Variants in TRIM27 observed in about 807,000 individuals in gnomAD.
The protein encoded by TRIM27 is zinc finger protein RFP.
Under a neutral mutation model 57.6 loss-of-function variants are expected in TRIM27, and 12 were observed. That is an observed-to-expected ratio of 0.21 (90% confidence interval 0.13 to 0.34). TRIM27 has a LOEUF of 0.34. Among genes scored for constraint, TRIM27 ranks in the 10% least tolerant of loss-of-function variants. The probability of loss-of-function intolerance (pLI) is 1.00; values close to 1 mark genes in which losing one functional copy is unlikely to be tolerated. For synonymous variants in TRIM27, 266 were observed against 259.0 expected (o/e 1.03, Z -0.26); for missense variants, 403 against 656.8 (o/e 0.61, Z 4.22).
At chr6:28,918,602 A>G (rs1773793181) in intron 3 of TRIM27, among the ~76,000 whole-genome samples, 1 of 151,846 alleles carries the variant, frequency 6.6e-6, no homozygotes, top group African/African-American at 2.4e-5. Context: ...AACTGGCCTG[A>G]CGCTGTGGCT....
At position 28,921,962 on chromosome 6, in the gene TRIM27, T is replaced by C. The variant is rs1401460850; in HGVS notation, c.446A>G (p.His149Arg). Residue 149 changes from histidine (H) to arginine (R), a missense_variant, in exon 2 of 8, where the codon CAT becomes CGT. His to Arg is a conservative substitution (Grantham distance 29, BLOSUM62 0). Transcript: ENST00000377199. ...CTTTAAATCTTTCACTCTTTTTAAA[T>C]GGTCGAGCTGGTTCTGGATTTGCTC... ...FKEQIQNQLD[H>R]LKRVKDLKKR... 1 of 1,613,094 alleles carries C rather than the reference T, an allele frequency of 6.2e-7. No individual in the cohort carries two copies. The highest frequency in any genetic ancestry group is 8.5e-7 in the Non-Finnish European group (1 of 1,180,028).
At chr6:28,914,238 G>C (rs9368579) in intron 3 of TRIM27, among the ~76,000 whole-genome samples, 7 of 150,546 alleles carry the variant, frequency 4.6e-5, no homozygotes, top group Non-Finnish European at 7.4e-5. Flanking sequence ...GGGTTCAAGA[G>C]ATTCTCCTGC....
intron 4 of TRIM27, among the ~76,000 whole-genome samples, chr6:28,911,102 C>T (rs755460749): frequency 6.6e-6 from 1 of 152,170 alleles, no homozygotes; most frequent in Non-Finnish European, 1.5e-5. Context: ...AGGCCCATCC[C>T]ACTTGCCTCG....
In TRIM27 at chr6:28,915,999, C is replaced by T. The variant is rs964092610; in HGVS notation, c.747+4013G>A. Among the ~76,000 whole-genome samples, 6 of 152,186 alleles carry T rather than the reference C, an allele frequency of 3.9e-5. No homozygotes were observed. The South Asian group carries it at 1.2e-3, about 32-fold the overall frequency. ...TGGCACGATCTCGGCTCACTACAAC[C>T]TCTGCCTCCCAGGTTCAAGTGATTG... On this transcript the variant is annotated intron_variant, in intron 3 of 7. Coordinates refer to ENST00000377199, the MANE Select transcript of TRIM27 (RefSeq NM_006510.5).
chr6:28,911,714 A>G lies in TRIM27; in HGVS notation c.752T>C (p.Ile251Thr), dbSNP rs373104443. The G allele has an allele frequency of 1.7e-5, 27 of 1,612,100 alleles. No homozygotes were observed. The Admixed American group carries it at 1.8e-4, about 11-fold the overall frequency. ...QQPTRELLQD[I>T]GDTLSRAERI... ...ACTATACCTGCTCAATGTGTCCCCAATGTCCTGCAAGAGAAAGGAAAAAAA... is the reference window on the plus strand; with the variant it reads ...ACTATACCTGCTCAATGTGTCCCCAGTGTCCTGCAAGAGAAAGGAAAAAAA... The change falls in exon 4 of 8, where the codon ATT becomes ACT. Residue 251 changes from isoleucine (I) to threonine (T), a missense_variant. Transcript: ENST00000377199.
intron 3 of TRIM27, among the ~76,000 whole-genome samples, chr6:28,916,185 G>C (rs942624556): frequency 2.0e-5 from 3 of 152,100 alleles, no homozygotes; most frequent in African/African-American, 7.2e-5. Flanking sequence ...GAAGTGCTGG[G>C]ATTACAGGCG....
chr6:28,923,115 G>C, intron 1 of TRIM27, 98 bp downstream of exon 1: 1 of 1,335,954 alleles, frequency 7.5e-7, no homozygotes, highest in East Asian at 2.5e-5. Flanking sequence ...CCACACGTCC[G>C]GCTCAGCCAT....
rs143658040 is a variant in TRIM27 at position 28,909,911 on chromosome 6, C to A, written c.771-823G>T. Reference sequence around the variant, plus strand: ...CCCAGTCCCTCATAGCTAGATGTGACCTTGTGACTAAGTTCTGGCCTATGA... The same window carrying A: ...CCCAGTCCCTCATAGCTAGATGTGAACTTGTGACTAAGTTCTGGCCTATGA... On this transcript the variant is annotated intron_variant, in intron 4 of 7. Transcript: ENST00000377199. Among the ~76,000 whole-genome samples, 315 of 152,174 alleles carry A rather than the reference C, an allele frequency of 2.1e-3. 1 individual carries two copies. Among genetic ancestry groups the A allele is most frequent in the Middle Eastern group, 0.014 (4 of 294 alleles).
At chr6:28,913,975 G>A (rs1403936668) in intron 3 of TRIM27, among the ~76,000 whole-genome samples, 1 of 146,086 alleles carries the variant, frequency 6.8e-6, no homozygotes, top group Admixed American at 7.1e-5. Context: ...GTATCTAGTA[G>A]GGCCAGTTCT....
chr6:28,921,856 C>G (rs1178202543), intron 2 of TRIM27, 36 bp downstream of exon 2: 1 of 1,529,862 alleles, frequency 6.5e-7, no homozygotes, highest in African/African-American at 1.4e-5. Flanking sequence ...GAGGAGAGCA[C>G]CAGCAGAACC....
intron 7 of TRIM27, chr6:28,906,925 C>A: frequency 3.4e-6 from 1 of 291,276 alleles, no homozygotes. Context: ...TGAAGCTGGG[C>A]GGGCAGAGCA....
chr6:28,916,499 C>A (rs369619754), intron 3 of TRIM27, among the ~76,000 whole-genome samples: 1 of 150,696 alleles, frequency 6.6e-6, no homozygotes, highest in East Asian at 2.0e-4. Flanking sequence ...TTGCGGTGAG[C>A]GGAGATCGTG....
intron 2 of TRIM27, 94 bp downstream of exon 2, chr6:28,921,798 G>A: frequency 1.0e-6 from 1 of 1,002,134 alleles, no homozygotes; most frequent in Middle Eastern, 3.1e-4. Flanking sequence ...ACAAGTTCTG[G>A]GTGACATGCT....
rs1387241631 is a variant in TRIM27 at position 28,903,797 on chromosome 6, T to C, written c.*273A>G. Reference sequence around the variant, plus strand: ...ATCCAAAGATTATCCATACTCTTTATCCCTCCAGCGATGTGTAAAACCAGA... The same window carrying C: ...ATCCAAAGATTATCCATACTCTTTACCCCTCCAGCGATGTGTAAAACCAGA... On this transcript the variant is annotated 3_prime_UTR_variant, in exon 8 of 8. Coordinates refer to ENST00000377199, the MANE Select transcript of TRIM27 (RefSeq NM_006510.5). The C allele has an allele frequency of 6.3e-6, 3 of 478,564 alleles. No individual in the cohort carries two copies. The highest frequency in any genetic ancestry group is 1.1e-5 in the Non-Finnish European group (3 of 270,224). 29.6% of individuals were successfully genotyped at this position (478,564 alleles called of 1,614,324 possible).
intron 1 of TRIM27, among the ~76,000 whole-genome samples, chr6:28,922,263 T>C (rs1774102656): frequency 6.6e-6 from 1 of 152,244 alleles, no homozygotes; most frequent in Non-Finnish European, 1.5e-5. Context: ...GTCATCTACC[T>C]GTCCCTGGTA....
At chr6:28,905,018 T>C (rs759696137) in intron 7 of TRIM27, 1 of 245,680 alleles carries the variant, frequency 4.1e-6, no homozygotes. Flanking sequence ...GCTCAGGTGA[T>C]TCTCCCGCCT....
chr6:28,903,780 ATT>A lies in TRIM27; in HGVS notation c.*288_*289del. The A allele has an allele frequency of 2.4e-6, 1 of 423,408 alleles. No homozygotes were observed. The highest frequency in any genetic ancestry group is 4.2e-6 in the Non-Finnish European group (1 of 238,482). The allele number at this position is 423,408 out of a possible 1,614,324, so 26.2% of individuals were successfully genotyped here. On this transcript the variant is annotated 3_prime_UTR_variant, in exon 8 of 8. Transcript: ENST00000377199. The stretch of plus-strand genomic sequence containing the variant: ...CTTGAACGGCTCTCCAAATCCAAAG[ATT>A]ATCCATACTCTTTATCCCTCCAGCG...
At chr6:28,909,251 G>C (rs1393337016) in intron 4 of TRIM27, among the ~76,000 whole-genome samples, 163 bp from the exon 5 acceptor site, 1 of 152,106 alleles carries the variant, frequency 6.6e-6, no homozygotes, top group Non-Finnish European at 1.5e-5. Context: ...GGGATTACAG[G>C]CATGCGCCAC....
chr6:28,923,060 G>C (rs530708965), intron 1 of TRIM27, among the ~76,000 whole-genome samples, 153 bp downstream of exon 1: 1 of 152,344 alleles, frequency 6.6e-6, no homozygotes, highest in South Asian at 2.1e-4. Flanking sequence ...CCAAATCTGA[G>C]TGCTGAGGCT....
Sources: allele counts gnomAD v4.1 joint callset (sites outside exome capture counted in the v4.1 genomes callset), GRCh38; gene constraint gnomAD v4.1.1; transcripts MANE v1.5; gene names NCBI Gene and HGNC (gene_info 2026-07-23, HGNC 2026-07-21).